The following MDFI variants were observed in gnomAD, a reference collection of about 807,000 sequenced individuals.
MDFI encodes inhibitor of MyoD family a.
A neutral mutation model predicts 22.3 loss-of-function variants in MDFI; 16 were observed. That is an observed-to-expected ratio of 0.72 (90% confidence interval 0.49 to 1.09). The LOEUF (loss-of-function observed/expected upper bound fraction) is 1.09. Ranked by LOEUF, MDFI falls within the 50% of genes least tolerant of loss-of-function variation. MDFI has a pLI of 0.00. For synonymous variants in MDFI, 145 were observed against 142.7 expected (o/e 1.02, Z -0.12); for missense variants, 314 against 326.1 (o/e 0.96, Z 0.29).
intron 4 of MDFI, among the ~76,000 whole-genome samples, chr6:41,651,161 A>G (rs1049523017): frequency 7.4e-6 from 1 of 135,222 alleles, no homozygotes; most frequent in African/African-American, 2.9e-5. Context: ...CCTGGGCAAC[A>G]AGAGCAAAAC....
Position 41,638,534 on chromosome 6 carries a change from G to T in MDFI, c.-130G>T. 7.4e-6 allele frequency: 4 copies of T among 542,720 alleles called. No homozygotes were observed. Among genetic ancestry groups the T allele is most frequent in the Non-Finnish European group, 9.6e-6 (3 of 311,662 alleles). The allele number at this position is 542,720 out of a possible 1,614,324, so 33.6% of individuals were successfully genotyped here. On this transcript the variant is annotated 5_prime_UTR_variant, in exon 1 of 5. Coordinates refer to ENST00000230321, the MANE Select transcript of MDFI (RefSeq NM_005586.4). This position sits in a 1 kb window ranked among gnomAD's most constrained non-coding sequence, Gnocchi z 7.6. ...AGAAAGCAGCGAGTGAGAGGGGAAG[G>T]GGCGCCAGGCGAGCACCCGGGAGCC...
intron 4 of MDFI, 121 bp downstream of exon 4, chr6:41,649,964 C>A: frequency 1.2e-6 from 1 of 829,756 alleles, no homozygotes; most frequent in Non-Finnish European, 1.9e-6. Flanking sequence ...AGGATCTCAG[C>A]CTCCTTCCAC....
chr6:41,637,774 C>CA (rs1767694109), upstream of MDFI, among the ~76,000 whole-genome samples: 1 of 152,114 alleles, frequency 6.6e-6, no homozygotes, highest in Non-Finnish European at 1.5e-5. The surrounding 1 kb of genome is among the most constrained non-coding windows in gnomAD (Gnocchi z 6.8). Flanking sequence ...GTCTGGATCC[C>CA]AAAGAAGGGC....
rs1767719592 is a variant in MDFI, at chr6:41,638,601, CG to C, written c.-60del. 1.1e-6 allele frequency: 1 copy of C among 939,740 alleles called. No individual in the cohort carries two copies. The highest frequency in any genetic ancestry group is 1.5e-6 in the Non-Finnish European group (1 of 656,158). The allele number at this position is 939,740 out of a possible 1,614,324, so 58.2% of individuals were successfully genotyped here. A position where few individuals can be genotyped will look rare whatever the true frequency, so the allele number is the denominator to read the frequency against. ...GGGCGCCCGGAGCAGGCGCGCATGG[CG>C]GGCCCCGCGCGGGGATCCGGCTGGA... On this transcript the variant is annotated 5_prime_UTR_variant, in exon 1 of 5. The change abolishes the stop of an existing upstream ORF in the 5' untranslated region. Transcript: ENST00000230321. The surrounding 1 kb of genome is among the most constrained non-coding windows in gnomAD (Gnocchi z 7.6).
chr6:41,651,743 G>T (rs936239174), intron 4 of MDFI, among the ~76,000 whole-genome samples: 1 of 152,080 alleles, frequency 6.6e-6, no homozygotes, highest in African/African-American at 2.4e-5. Flanking sequence ...CTCCCAGGGG[G>T]CCCCCTGGCC....
chr6:41,643,659 A>AG (rs1463189436), intron 2 of MDFI, among the ~76,000 whole-genome samples: 96 of 150,610 alleles, frequency 6.4e-4, no homozygotes, highest in African/African-American at 2.0e-3. Flanking sequence ...TTAAAAAAAA[A>AG]AGAGAGAGAG....
Position 41,653,832 on chromosome 6 carries a change from A to T in MDFI, c.*257A>T. 4 of 438,394 alleles carry T rather than the reference A, an allele frequency of 9.1e-6. No individual in the cohort carries two copies. Among genetic ancestry groups the T allele is most frequent in the African/African-American group, 2.1e-5 (1 of 48,554 alleles). The allele number at this position is 438,394 out of a possible 1,614,324, so 27.2% of individuals were successfully genotyped here. On this transcript the variant is annotated 3_prime_UTR_variant, in exon 5 of 5. Transcript: ENST00000230321. This position sits in a 1 kb window ranked among gnomAD's most constrained non-coding sequence, Gnocchi z 4.2. The stretch of plus-strand genomic sequence containing the variant: ...CTTTACTGGGTTACCAGGTTCATAC[A>T]TTGCTGAGGACCTGACAGGACAACC...
intron 2 of MDFI, among the ~76,000 whole-genome samples, chr6:41,641,805 A>G (rs1039955951): frequency 5.3e-5 from 8 of 152,152 alleles, no homozygotes; most frequent in African/African-American, 1.9e-4. Context: ...TCCCATGGGC[A>G]CTGTGCAGGC....
chr6:41,640,631 C>T (rs1345153614), intron 2 of MDFI, among the ~76,000 whole-genome samples: 1 of 152,242 alleles, frequency 6.6e-6, no homozygotes, highest in Non-Finnish European at 1.5e-5. Context: ...ACGCTTTACT[C>T]CCTGAGTGCT....
chr6:41,647,800 T>G (rs1376435527), intron 3 of MDFI, among the ~76,000 whole-genome samples: 3 of 151,924 alleles, frequency 2.0e-5, no homozygotes, highest in African/African-American at 7.3e-5. Flanking sequence ...CCCAGCACTC[T>G]GGGAGGCTGA....
intron 2 of MDFI, among the ~76,000 whole-genome samples, chr6:41,643,820 C>A (rs888681516): frequency 6.6e-6 from 1 of 151,368 alleles, no homozygotes; most frequent in Non-Finnish European, 1.5e-5. Context: ...GTAACCCAAC[C>A]CTTTCCATGC....
chr6:41,637,762 C>A (rs1767693695), upstream of MDFI, among the ~76,000 whole-genome samples: 1 of 152,158 alleles, frequency 6.6e-6, no homozygotes, highest in South Asian at 2.1e-4. This position sits in a 1 kb window ranked among gnomAD's most constrained non-coding sequence, Gnocchi z 6.8. Flanking sequence ...CCCTCGGATT[C>A]AGTCTGGATC....
At chr6:41,645,211 C>T (rs1368715926) in intron 2 of MDFI, among the ~76,000 whole-genome samples, 1 of 152,084 alleles carries the variant, frequency 6.6e-6, no homozygotes, top group East Asian at 1.9e-4. Flanking sequence ...TGGGCCCGCC[C>T]CTGACCCCTG....
intron 2 of MDFI, among the ~76,000 whole-genome samples, chr6:41,643,692 G>A (rs1220377496): frequency 6.6e-6 from 1 of 151,106 alleles, no homozygotes; most frequent in African/African-American, 2.4e-5. Context: ...AAGGAAAGAA[G>A]AGAGGAAGGG....
Position 41,640,002 on chromosome 6 carries a change from A to G in MDFI, c.76+1177A>G, listed in dbSNP as rs73418061. ...GGAAGATGTCTGGCCAACAGCCAGC[A>G]CATAGATGAGGCCAGTGTGTCTACA... On this transcript the variant is annotated intron_variant, in intron 2 of 4. Transcript: ENST00000230321. 8.0e-3 allele frequency: 7,034 copies of G among 880,668 alleles called. 367 individuals are homozygous for G. The African/African-American group carries it at 0.12, about 15-fold the overall frequency. 54.6% of individuals were successfully genotyped at this position (880,668 alleles called of 1,614,324 possible).
intron 2 of MDFI, among the ~76,000 whole-genome samples, chr6:41,642,267 C>T (rs368701415): frequency 7.2e-5 from 11 of 152,270 alleles, no homozygotes; most frequent in East Asian, 3.9e-4. Flanking sequence ...CAGCCACATC[C>T]GCTCACCCCC....
In MDFI at chr6:41,653,630, C is replaced by G; in HGVS notation, c.*55C>G. The G allele has an allele frequency of 1.3e-6, 2 of 1,589,732 alleles. No individual in the cohort carries two copies. Among genetic ancestry groups the G allele is most frequent in the Non-Finnish European group, 1.7e-6 (2 of 1,173,610 alleles). On this transcript the variant is annotated 3_prime_UTR_variant, in exon 5 of 5. Transcript: ENST00000230321. This position sits in a 1 kb window ranked among gnomAD's most constrained non-coding sequence, Gnocchi z 4.2. ...GCCCCTGCAGATTCCAGCAGGGTCC[C>G]TCTGAGTGGGGCCAGGCCCAGGACT...
chr6:41,639,873 G>A, intron 2 of MDFI: 1 of 984,442 alleles, frequency 1.0e-6, no homozygotes, highest in Middle Eastern at 5.2e-4. Flanking sequence ...CTCGAAGCCG[G>A]CCTGCCTGCC....
chr6:41,642,523 G>T (rs898840147), intron 2 of MDFI, among the ~76,000 whole-genome samples: 2 of 152,168 alleles, frequency 1.3e-5, no homozygotes, highest in African/African-American at 4.8e-5. Context: ...CACACCTAGG[G>T]GTCTGGGCCA....
Sources: allele counts gnomAD v4.1 joint callset (sites outside exome capture counted in the v4.1 genomes callset), GRCh38; gene constraint gnomAD v4.1.1; non-coding constraint Gnocchi (gnomAD v3.1); transcripts MANE v1.5; gene names NCBI Gene and HGNC (gene_info 2026-07-23, HGNC 2026-07-21).